NYX: variants seen among roughly 807,000 people sequenced by gnomAD.
The protein encoded by NYX is leucine-rich repeat protein.
For synonymous variants in NYX, 258 were observed against 245.7 expected, an observed-to-expected ratio of 1.05 and a Z score of -0.47; for missense variants, 481 against 485.4, an observed-to-expected ratio of 0.99 and a Z score of 0.09.
At chrX:41,472,603 G>C in intron 2 of NYX, 1 of 487,402 alleles carries the variant, frequency 2.1e-6, no homozygotes, top group Non-Finnish European at 3.6e-6. Context: ...GACCATCAGG[G>C]CCTCGGGGCA....
chrX:41,472,723 G>A (rs2147024675), intron 2 of NYX: 1 of 317,897 alleles, frequency 3.1e-6, no homozygotes, highest in East Asian at 4.6e-5. Context: ...AGAGGCCAGG[G>A]CAGGCCCCGA....
At chrX:41,450,272 T>C (rs1218807530) in intron 2 of NYX, among the ~76,000 whole-genome samples, 2 of 112,092 alleles carry the variant, frequency 1.8e-5, no homozygotes, top group African/African-American at 3.3e-5. Flanking sequence ...TGTGTGTTTG[T>C]GTTTTTTGTG....
In NYX at chrX:41,474,340, G is replaced by C. The variant is rs1158374285; in HGVS notation, c.872G>C (p.Gly291Ala). 3 of 1,207,386 alleles carry C rather than the reference G, an allele frequency of 2.5e-6. No homozygotes were observed. The African/African-American group carries it at 5.2e-5, about 21-fold the overall frequency. ...DRNSIAFVEEGAFQNLSGLLA... is the reference protein window; with the variant it reads ...DRNSIAFVEEAAFQNLSGLLA... ...AACAGCATCGCCTTCGTGGAGGAGG[G>C]CGCCTTCCAGAACCTCTCGGGTCTC... Residue 291 changes from glycine (G) to alanine (A), a missense_variant, in exon 3 of 3, where the codon GGC becomes GCC. By Grantham distance (60) the Gly-to-Ala change is moderately conservative. Transcript: ENST00000378220.
At chrX:41,447,968 G>T (rs1217659450) in intron 2 of NYX, 42 bp downstream of exon 2, 2 of 1,176,725 alleles carry the variant, frequency 1.7e-6, no homozygotes, top group African/African-American at 3.5e-5. Context: ...GGGAAGAGGG[G>T]TGGAAGCCAC....
chrX:41,461,855 G>A (rs2064321327), intron 2 of NYX, among the ~76,000 whole-genome samples: 2 of 111,314 alleles, frequency 1.8e-5, no homozygotes, highest in Non-Finnish European at 3.8e-5. Flanking sequence ...AGGCTGGAGT[G>A]CAGTGGTGCG....
chrX:41,471,931 A>G (rs1254640975), intron 2 of NYX, among the ~76,000 whole-genome samples: 1 of 109,565 alleles, frequency 9.1e-6, no homozygotes, highest in Non-Finnish European at 1.9e-5. Flanking sequence ...CCTCTTTAAT[A>G]AACAACTTCC....
At chrX:41,463,546 C>G (rs1009619913) in intron 2 of NYX, among the ~76,000 whole-genome samples, 1 of 110,116 alleles carries the variant, frequency 9.1e-6, no homozygotes, top group Non-Finnish European at 1.9e-5. Context: ...CCTCAGCCTC[C>G]CGAGTGGCTG....
intron 2 of NYX, among the ~76,000 whole-genome samples, chrX:41,448,716 G>A (rs761226105): frequency 3.0e-4 from 32 of 107,564 alleles, no homozygotes; most frequent in African/African-American, 1.0e-3. Context: ...CTGCCACCAC[G>A]CCCAGCTAAT....
At chrX:41,447,652 A>C in intron 1 of NYX, 136 bp downstream of exon 1, 1 of 438,565 alleles carries the variant, frequency 2.3e-6, no homozygotes, top group Non-Finnish European at 4.0e-6. Flanking sequence ...TTCCTAATAG[A>C]TCCAAACTGT....
At position 41,473,521 on chromosome X, in the gene NYX, C is replaced by T; in HGVS notation, c.53C>T (p.Ala18Val). Residue 18 changes from alanine (A) to valine (V), a missense_variant, in exon 3 of 3, where the codon GCC becomes GTC. Coordinates refer to ENST00000378220, the MANE Select transcript of NYX (RefSeq NM_001378477.3). ...AVVLGLPSAWAVGACARACPA... is the reference protein window; with the variant it reads ...AVVLGLPSAWVVGACARACPA... ...GTCCTCGGCCTGCCCAGCGCCTGGG[C>T]CGTGGGGGCCTGCGCCCGCGCTTGT... The T allele has an allele frequency of 2.0e-6, 2 of 994,251 alleles. No individual in the cohort carries two copies. The highest frequency in any genetic ancestry group is 2.5e-6 in the Non-Finnish European group (2 of 787,239). The allele number at this position is 994,251 out of a possible 1,213,427, so 81.9% of individuals were successfully genotyped here.
At chrX:41,465,802 C>T (rs1167299091) in intron 2 of NYX, among the ~76,000 whole-genome samples, 1 of 107,682 alleles carries the variant, frequency 9.3e-6, no homozygotes, top group Non-Finnish European at 1.9e-5. Context: ...GGATTACAGG[C>T]GTGAACCACC....
rs1285544705 is a variant in NYX at position 41,461,404 on chromosome X, T to TAC, written c.23-12084_23-12083dup. Among the ~76,000 whole-genome samples, 41 of 104,895 alleles carry TAC rather than the reference T, an allele frequency of 3.9e-4. No individual in the cohort carries two copies. The East Asian group carries it at 0.012, about 30-fold the overall frequency. 91.1% of individuals were successfully genotyped at this position (104,895 alleles called of 115,157 possible). A position where few individuals can be genotyped will look rare whatever the true frequency, so the allele number is the denominator to read the frequency against. On this transcript the variant is annotated intron_variant, in intron 2 of 2. Coordinates refer to ENST00000378220, the MANE Select transcript of NYX (RefSeq NM_001378477.3). ...CGTCATATATATATATATATATATA[T>TAC]ACACCACAGTTTCTTTATCCACTTG...
intron 2 of NYX, among the ~76,000 whole-genome samples, chrX:41,452,640 C>T (rs189928259): frequency 1.8e-3 from 205 of 111,318 alleles, no homozygotes; most frequent in African/African-American, 6.4e-3. Flanking sequence ...TATTTAGGCC[C>T]GGAGGCCTTT....
chrX:41,470,416 G>A (rs1232345075), intron 2 of NYX, among the ~76,000 whole-genome samples: 1 of 111,700 alleles, frequency 9.0e-6, no homozygotes, highest in African/African-American at 3.3e-5. Flanking sequence ...TGATGCAGCT[G>A]GGTGTGGTGG....
intron 2 of NYX, among the ~76,000 whole-genome samples, chrX:41,453,735 C>T (rs555761335): frequency 2.7e-5 from 3 of 112,542 alleles, no homozygotes; most frequent in East Asian, 2.8e-4. Context: ...GGATTATAGG[C>T]GTGAGCCACC....
At chrX:41,473,089 C>A (rs930758418) in intron 2 of NYX, among the ~76,000 whole-genome samples, 1 of 112,089 alleles carries the variant, frequency 8.9e-6, no homozygotes, top group Non-Finnish European at 1.9e-5. Flanking sequence ...TGAGCCACTG[C>A]GACCGGTCAG....
At chrX:41,472,708 G>A (rs2064366789) in intron 2 of NYX, 5 of 346,203 alleles carry the variant, frequency 1.4e-5, no homozygotes, top group Non-Finnish European at 2.0e-5. Flanking sequence ...CCGGCACCCC[G>A]CAGTAGAGGC....
At chrX:41,465,236 C>A (rs935094760) in intron 2 of NYX, among the ~76,000 whole-genome samples, 1 of 110,133 alleles carries the variant, frequency 9.1e-6, no homozygotes. Context: ...TGCTTCTTCA[C>A]ATGTCTACTA....
intron 2 of NYX, among the ~76,000 whole-genome samples, chrX:41,456,896 C>T (rs745912036): frequency 1.8e-5 from 2 of 111,688 alleles, no homozygotes; most frequent in South Asian, 7.5e-4. Context: ...CCATTCCCCA[C>T]CCAATTCATA....
Sources: allele counts gnomAD v4.1 joint callset (sites outside exome capture counted in the v4.1 genomes callset), GRCh38; gene constraint gnomAD v4.1.1; transcripts MANE v1.5; gene names NCBI Gene and HGNC (gene_info 2026-07-23, HGNC 2026-07-21).